The following PCDH10 variants were observed in gnomAD, a reference collection of about 807,000 sequenced individuals.
The protein encoded by PCDH10 is protocadherin-10.
Under a neutral mutation model 74.4 loss-of-function variants are expected in PCDH10, and 15 were observed. The ratio of observed to expected loss-of-function variants is 0.20; its 90% CI spans 0.13 to 0.31. The LOEUF (loss-of-function observed/expected upper bound fraction) is 0.31. Among genes scored for constraint, PCDH10 ranks in the 10% least tolerant of loss-of-function variants. PCDH10 has a pLI of 1.00. For missense variants in PCDH10, 1,260 were observed against 1,390.2 expected (o/e 0.91, Z 1.49); for synonymous variants, 619 against 589.8 (o/e 1.05, Z -0.72).
downstream of PCDH10, among the ~76,000 whole-genome samples, chr4:133,198,463 G>A (rs1005841029): frequency 2.6e-5 from 4 of 152,120 alleles, no homozygotes; most frequent in Non-Finnish European, 4.4e-5. Flanking sequence ...AACATTAAGA[G>A]GTATATTAAA....
intron 4 of PCDH10, among the ~76,000 whole-genome samples, chr4:133,180,741 A>T (rs1326129220): frequency 6.6e-6 from 1 of 152,080 alleles, no homozygotes; most frequent in East Asian, 1.9e-4. Flanking sequence ...TTACTTTGCT[A>T]TGTAATTAAA....
chr4:133,164,346 A>T (rs1423605651), intron 4 of PCDH10, among the ~76,000 whole-genome samples: 1 of 152,050 alleles, frequency 6.6e-6, no homozygotes. Flanking sequence ...ACATGATGCG[A>T]TCTTTGCCTC....
At chr4:133,190,064 C>A in intron 4 of PCDH10, 77 bp from the exon 5 acceptor site, 2 of 1,254,776 alleles carry the variant, frequency 1.6e-6, no homozygotes, top group Non-Finnish European at 1.2e-6. Context: ...TGTATTCTTT[C>A]TTTTACAATA....
rs933651216 is a variant in PCDH10, at chr4:133,192,381, C to T, written c.*2221C>T. On this transcript the variant is annotated 3_prime_UTR_variant, in exon 5 of 5. Transcript: ENST00000264360. ...ACTCTGCTTTAATTAAAATGTTTCA[C>T]GCATCATTTTGCAATCATGGGTGAA... is the stretch of plus-strand genomic sequence containing the variant. 8 of 151,396 alleles carry T rather than the reference C, an allele frequency of 5.3e-5. No homozygotes were observed. Among genetic ancestry groups the T allele is most frequent in the Non-Finnish European group, 1.2e-4 (8 of 67,572 alleles). The allele number at this position is 151,396 out of a possible 1,614,324, so 9.4% of individuals were successfully genotyped here.
chr4:133,168,050 A>G (rs1337930737), intron 4 of PCDH10, among the ~76,000 whole-genome samples: 1 of 151,370 alleles, frequency 6.6e-6, no homozygotes. Context: ...CTTCTCTGAA[A>G]AAATGGTCAT....
rs1727743580 is a variant in PCDH10, at chr4:133,194,192, T to A, written c.*4032T>A. On this transcript the variant is annotated 3_prime_UTR_variant, in exon 5 of 5. Coordinates refer to ENST00000264360, the MANE Select transcript of PCDH10 (RefSeq NM_032961.3). ...TGTATTTCTAATCACTGTTATTTTT[T>A]AAGTATTTGTAAAATTAGAAAAATT... is the stretch of plus-strand genomic sequence containing the variant. 1 of 151,930 alleles carries A rather than the reference T, an allele frequency of 6.6e-6. No homozygotes were observed. The highest frequency in any genetic ancestry group is 2.1e-4 in the South Asian group (1 of 4,834). The allele number at this position is 151,930 out of a possible 1,614,324, so 9.4% of individuals were successfully genotyped here. A position where few individuals can be genotyped will look rare whatever the true frequency, so the allele number is the denominator to read the frequency against.
chr4:133,195,813 G>A (rs2125875845), downstream of PCDH10, among the ~76,000 whole-genome samples: 1 of 152,098 alleles, frequency 6.6e-6, no homozygotes, highest in African/African-American at 2.4e-5. Flanking sequence ...GGTTCTTTGT[G>A]AAACTTTTTT....
rs142021043 is a variant in PCDH10 at position 133,205,362 on chromosome 4, A to G, written n.438-2714A>G. Among the ~76,000 whole-genome samples the G allele has an allele frequency of 1.4e-3, 220 of 152,240 alleles. 1 individual carries two copies. The highest frequency in any genetic ancestry group is 5.1e-3 in the African/African-American group (210 of 41,558). ...TTTGATTCTTTGAAAGAGTTTCCAT[A>G]TCGTCTTCTAAGGGAAGTGGACCAT... is the stretch of plus-strand genomic sequence containing the variant. On this transcript the variant is annotated intron_variant and non_coding_transcript_variant, in intron 2 of 2. Transcript: ENST00000511112.
In PCDH10 at chr4:133,191,008, T is replaced by C. The variant is rs1727654794; in HGVS notation, c.*848T>C. On this transcript the variant is annotated 3_prime_UTR_variant, in exon 5 of 5. Coordinates refer to ENST00000264360, the MANE Select transcript of PCDH10 (RefSeq NM_032961.3). ...TCAAAAACTCATATTGAATTTTCAATGCCAAAGATGTAGCTATTGATGTTA... is the reference window on the plus strand; with the variant it reads ...TCAAAAACTCATATTGAATTTTCAACGCCAAAGATGTAGCTATTGATGTTA... The C allele has an allele frequency of 6.6e-6, 1 of 152,388 alleles. No individual in the cohort carries two copies. The highest frequency in any genetic ancestry group is 2.4e-5 in the African/African-American group (1 of 41,440). The allele number at this position is 152,388 out of a possible 1,614,324, so 9.4% of individuals were successfully genotyped here.
At chr4:133,177,655 A>G (rs1201611862) in intron 4 of PCDH10, among the ~76,000 whole-genome samples, 1 of 152,160 alleles carries the variant, frequency 6.6e-6, no homozygotes, top group African/African-American at 2.4e-5. Context: ...AAGTTCTTGC[A>G]TTTAATATTG....
At chr4:133,177,019 G>A (rs1727309658) in intron 4 of PCDH10, among the ~76,000 whole-genome samples, 1 of 151,708 alleles carries the variant, frequency 6.6e-6, no homozygotes, top group African/African-American at 2.4e-5. Flanking sequence ...TATAGAATTT[G>A]ACTCATCTAT....
At chr4:133,163,445 T>C (rs558864323) in intron 4 of PCDH10, among the ~76,000 whole-genome samples, 163 bp downstream of exon 4, 1 of 152,274 alleles carries the variant, frequency 6.6e-6, no homozygotes, top group East Asian at 1.9e-4. Flanking sequence ...TTATTTAAAA[T>C]AATAGATTCC....
At chr4:133,197,116 C>T (rs898987843), downstream of PCDH10, among the ~76,000 whole-genome samples, 5 of 152,096 alleles carry the variant, frequency 3.3e-5, no homozygotes, top group East Asian at 1.9e-4. Flanking sequence ...TGGCTGGGTT[C>T]GCTTTCTTCC....
chr4:133,205,813 GT>G (rs1193095606), intron 2 of PCDH10, among the ~76,000 whole-genome samples: 1 of 151,702 alleles, frequency 6.6e-6, no homozygotes, highest in Non-Finnish European at 1.5e-5. Context: ...AGTTCTTCTT[GT>G]TTTCAGAATG....
At position 133,150,202 on chromosome 4, in the gene PCDH10, A is replaced by G. The variant is rs748011975; in HGVS notation, c.62A>G (p.His21Arg). ...GTGGAAGGAGTCTTTTCCCAGCTTC[A>G]CTACACGGTACAGGAGGAGCAGGAA... ...WMVEGVFSQLHYTVQEEQEHG... is the reference protein window; with the variant it reads ...WMVEGVFSQLRYTVQEEQEHG... Residue 21 changes from histidine to arginine, a missense_variant, in exon 1 of 5, where the codon CAC becomes CGC. His to Arg is a conservative substitution (Grantham distance 29). Coordinates refer to ENST00000264360, the MANE Select transcript of PCDH10 (RefSeq NM_032961.3). The G allele has an allele frequency of 2.5e-6, 4 of 1,609,898 alleles. No homozygotes were observed.
At chr4:133,200,089 C>T (rs1021818689) in intron 2 of PCDH10, among the ~76,000 whole-genome samples, 13 of 151,888 alleles carry the variant, frequency 8.6e-5, no homozygotes, top group African/African-American at 2.6e-4. Context: ...TGAGCCACCG[C>T]GCCCGGCCTT....
At chr4:133,176,277 C>T (rs1459047209) in intron 4 of PCDH10, among the ~76,000 whole-genome samples, 4 of 152,086 alleles carry the variant, frequency 2.6e-5, no homozygotes, top group Admixed American at 2.6e-4. Flanking sequence ...GTTTCAACTA[C>T]TGACCCAGCC....
rs1727662059 is a variant in PCDH10, at chr4:133,191,260, A to C, written c.*1100A>C. ...AAGTCATCAGTCATATCACTCACAC[A>C]GAATTTTATTTTACATAGTTTTGTG... is the stretch of plus-strand genomic sequence containing the variant. On this transcript the variant is annotated 3_prime_UTR_variant, in exon 5 of 5. Coordinates refer to ENST00000264360, the MANE Select transcript of PCDH10 (RefSeq NM_032961.3). 2.0e-5 allele frequency: 3 copies of C among 152,390 alleles called. No homozygotes were observed. The highest frequency in any genetic ancestry group is 2.9e-5 in the Non-Finnish European group (2 of 67,852). 9.4% of individuals were successfully genotyped at this position (152,390 alleles called of 1,614,324 possible).
intron 1 of PCDH10, chr4:133,153,020 C>T (rs1029595402): frequency 7.0e-7 from 1 of 1,431,410 alleles, no homozygotes; most frequent in Non-Finnish European, 9.2e-7. Flanking sequence ...TTGGAGCTCC[C>T]TCCTTTGCTC....
Sources: allele counts gnomAD v4.1 joint callset (sites outside exome capture counted in the v4.1 genomes callset), GRCh38; gene constraint gnomAD v4.1.1; transcripts MANE v1.5; gene names NCBI Gene and HGNC (gene_info 2026-07-23, HGNC 2026-07-21).